Variants in TCAF2 observed in about 807,000 individuals in gnomAD.
TCAF2 encodes the protein TRPM8 channel associated factor 2.
A neutral mutation model predicts 33.9 loss-of-function variants in TCAF2; 6 were observed. That is an observed-to-expected ratio of 0.18 (90% CI 0.10 to 0.35). The LOEUF (loss-of-function observed/expected upper bound fraction) is 0.35, where lower values mean the gene tolerates loss of function less well. TCAF2 is among the 10% of genes least tolerant of loss of function. The pLI is 1.00. For missense variants in TCAF2, 109 were observed against 604.0 expected (o/e 0.18, Z 8.59); for synonymous variants, 41 against 247.8 (o/e 0.17, Z 7.84).
At chr7:143,701,769 TTA>T (rs1464764534) in intron 1 of TCAF2, among the ~76,000 whole-genome samples, 2 of 97,158 alleles carry the variant, frequency 2.1e-5, no homozygotes, top group African/African-American at 3.6e-5. Flanking sequence ...TTACTTTATT[TTA>T]TTTTATTTTA....
rs1017779464 is a variant in TCAF2, at chr7:143,729,702, T to A, written c.*2035T>A. 1.3e-5 allele frequency: 2 copies of A among 152,092 alleles called. No individual in the cohort carries two copies. Among genetic ancestry groups the A allele is most frequent in the African/African-American group, 4.8e-5 (2 of 41,414 alleles). 9.4% of individuals were successfully genotyped at this position (152,092 alleles called of 1,614,324 possible). ...GTGGTTTGCTGCACCTATCAATCCA[T>A]CATCTAGATTTTAAGCTCTGCATGC... On this transcript the variant is annotated 3_prime_UTR_variant, in exon 8 of 8. Coordinates refer to ENST00000684770, the MANE Select transcript of TCAF2 (RefSeq NM_001363538.2).
In TCAF2 at chr7:143,724,470, G is replaced by T; in HGVS notation, c.2278G>T (p.Gly760Cys). The T allele has an allele frequency of 6.2e-7, 1 of 1,610,946 alleles. No individual in the cohort carries two copies. Among genetic ancestry groups the T allele is most frequent in the East Asian group, 2.2e-5 (1 of 44,860 alleles). Residue 760 changes from glycine to cysteine, a missense_variant, in exon 7 of 8, where the codon GGC (glycine) becomes TGC (cysteine). By Grantham distance (159) the Gly-to-Cys change is radical. Coordinates refer to ENST00000684770, the MANE Select transcript of TCAF2 (RefSeq NM_001363538.2). ...TGTGTGGGGCCCCATCCATGAGCTG[G>T]GCCACAACCAACAGCGGCATGGATG... is the stretch of plus-strand genomic sequence containing the variant. The part of the protein sequence containing the change: ...RGVWGPIHEL[G>C]HNQQRHGWEF...
At chr7:143,648,504 C>T (rs2116488539) in intron 1 of TCAF2, among the ~76,000 whole-genome samples, 1 of 139,088 alleles carries the variant, frequency 7.2e-6, no homozygotes, top group Non-Finnish European at 1.6e-5. Flanking sequence ...TAACTTTCTG[C>T]AAAGGAAGGC....
intron 1 of TCAF2, among the ~76,000 whole-genome samples, chr7:143,648,550 G>T (rs1348071993): frequency 1.6e-5 from 2 of 125,806 alleles, no homozygotes; most frequent in Non-Finnish European, 3.5e-5. Context: ...CCGTAGGGTA[G>T]TTCTGATCTA....
chr7:143,724,454 C>T lies in TCAF2; in HGVS notation c.2262C>T (p.Gly754=). Residue 754 remains glycine (G), a synonymous_variant, in exon 7 of 8, where the codon GGC becomes GGT. Transcript: ENST00000684770. ...EMDMRSRGVW[G]PIHELGHNQQ... Reference sequence around the variant, plus strand: ...ACATGAGGAGCAGGGGTGTGTGGGGCCCCATCCATGAGCTGGGCCACAACC... The same window carrying T: ...ACATGAGGAGCAGGGGTGTGTGGGGTCCCATCCATGAGCTGGGCCACAACC... 6.2e-7 allele frequency: 1 copy of T among 1,610,236 alleles called. No individual in the cohort carries two copies. The highest frequency in any genetic ancestry group is 1.1e-5 in the South Asian group (1 of 90,864).
chr7:143,729,754 C>T lies in TCAF2; in HGVS notation c.*2087C>T, dbSNP rs1809772457. ...TTAGATATTTGTCCTAATGCTCTCC[C>T]TCCCATTGCCCCCAACCTCCCGACA... On this transcript the variant is annotated 3_prime_UTR_variant, in exon 8 of 8. Transcript: ENST00000684770. 1 of 152,134 alleles carries T rather than the reference C, an allele frequency of 6.6e-6. No individual in the cohort carries two copies. The highest frequency in any genetic ancestry group is 1.5e-5 in the Non-Finnish European group (1 of 68,034). 9.4% of individuals were successfully genotyped at this position (152,134 alleles called of 1,614,324 possible).
rs575070378 is a variant in TCAF2, at chr7:143,729,219, G to A, written c.*1552G>A. 2 of 152,244 alleles carry A rather than the reference G, an allele frequency of 1.3e-5. No homozygotes were observed. The highest frequency in any genetic ancestry group is 2.1e-4 in the South Asian group (1 of 4,816). 9.4% of individuals were successfully genotyped at this position (152,244 alleles called of 1,614,324 possible). On this transcript the variant is annotated 3_prime_UTR_variant, in exon 8 of 8. Coordinates refer to ENST00000684770, the MANE Select transcript of TCAF2 (RefSeq NM_001363538.2). ...AGACCTCTGAGGTAGGTACTAGTAT[G>A]ATCCCCATTTCGTACATGAGGAAAC...
At chr7:143,648,460 A>T (rs180750935) in intron 1 of TCAF2, among the ~76,000 whole-genome samples, 1 of 141,684 alleles carries the variant, frequency 7.1e-6, no homozygotes, top group East Asian at 2.1e-4. Flanking sequence ...TATTATGCCC[A>T]GAGAAAGTAG....
intron 2 of TCAF2, among the ~76,000 whole-genome samples, chr7:143,719,425 A>AAAAGAAAGAAAG (rs368096378): frequency 2.6e-4 from 14 of 53,698 alleles, no homozygotes; most frequent in African/African-American, 3.1e-4. Flanking sequence ...AGAAAGAAAG[A>AAAAGAAAGAAAG]AAAGAAAGAA....
In TCAF2 at chr7:143,729,217, A is replaced by G. The variant is rs1035638391; in HGVS notation, c.*1550A>G. 2.0e-5 allele frequency: 3 copies of G among 152,176 alleles called. No individual in the cohort carries two copies. Among genetic ancestry groups the G allele is most frequent in the African/African-American group, 7.2e-5 (3 of 41,446 alleles). 9.4% of individuals were successfully genotyped at this position (152,176 alleles called of 1,614,324 possible). A position where few individuals can be genotyped will look rare whatever the true frequency, so the allele number is the denominator to read the frequency against. ...GCAGACCTCTGAGGTAGGTACTAGT[A>G]TGATCCCCATTTCGTACATGAGGAA... On this transcript the variant is annotated 3_prime_UTR_variant, in exon 8 of 8. Coordinates refer to ENST00000684770, the MANE Select transcript of TCAF2 (RefSeq NM_001363538.2).
At position 143,729,407 on chromosome 7, in the gene TCAF2, A is replaced by G. The variant is rs1384948035; in HGVS notation, c.*1740A>G. ...TGTCACCTAGAAAATAGATGAAAAT[A>G]TGTTCAACCAGGTCTGGATTTTTCC... On this transcript the variant is annotated 3_prime_UTR_variant, in exon 8 of 8. Coordinates refer to ENST00000684770, the MANE Select transcript of TCAF2 (RefSeq NM_001363538.2). 1 of 152,194 alleles carries G rather than the reference A, an allele frequency of 6.6e-6. No individual in the cohort carries two copies. Among genetic ancestry groups the G allele is most frequent in the East Asian group, 1.9e-4 (1 of 5,202 alleles). 9.4% of individuals were successfully genotyped at this position (152,194 alleles called of 1,614,324 possible). A position where few individuals can be genotyped will look rare whatever the true frequency, so the allele number is the denominator to read the frequency against.
In TCAF2 at chr7:143,701,853, C is replaced by T. The variant is rs1359939929; in HGVS notation, c.-11-1131C>T. ...TTTTTGAGGCAGAGTCTTGTTCTCT[C>T]GCACAGGCTAGAGTCCACTGGTGCG... On this transcript the variant is annotated intron_variant, in intron 1 of 7. Coordinates refer to ENST00000684770, the MANE Select transcript of TCAF2 (RefSeq NM_001363538.2). 5.3e-3 allele frequency among the ~76,000 whole-genome samples: 485 copies of T among 91,964 alleles called. 2 individuals carry two copies. Among genetic ancestry groups the T allele is most frequent in the African/African-American group, 0.023 (456 of 19,916 alleles). The allele number at this position is 91,964 out of a possible 152,430, so 60.3% of individuals were successfully genotyped here.
Position 143,724,500 on chromosome 7 carries a change from T to G in TCAF2, c.2308T>G (p.Phe770Val), listed in dbSNP as rs761281493. ...CAACCAACAGCGGCATGGATGGGAG[T>G]TCCCCCCACACACTACTGAGGCCAC... ...GHNQQRHGWEFPPHTTEATCN... is the reference protein window; with the variant it reads ...GHNQQRHGWEVPPHTTEATCN... The change falls in exon 7 of 8, where the codon TTC becomes GTC. Residue 770 changes from phenylalanine to valine, a missense_variant. Physicochemically the swap from Phe to Val is conservative, Grantham distance 50 (BLOSUM62 -1). Transcript: ENST00000684770. 1.2e-6 allele frequency: 2 copies of G among 1,609,958 alleles called. No homozygotes were observed. Among genetic ancestry groups the G allele is most frequent in the Non-Finnish European group, 1.7e-6 (2 of 1,179,214 alleles).
chr7:143,624,737 T>C lies in TCAF2; in HGVS notation c.-12+3717T>C, dbSNP rs1808811601. ...GCACCGATTGTTGATCATGCTGCATTCTGGACAATGGGGGTCTAGCAGAGA... is the reference window on the plus strand; with the variant it reads ...GCACCGATTGTTGATCATGCTGCATCCTGGACAATGGGGGTCTAGCAGAGA... On this transcript the variant is annotated intron_variant, in intron 1 of 7. Coordinates refer to ENST00000684770, the MANE Select transcript of TCAF2 (RefSeq NM_001363538.2). 6.0e-5 allele frequency among the ~76,000 whole-genome samples: 3 copies of C among 50,362 alleles called. 1 individual carries two copies. The highest frequency in any genetic ancestry group is 1.4e-4 in the Non-Finnish European group (3 of 20,964). 33.0% of individuals were successfully genotyped at this position (50,362 alleles called of 152,430 possible).
At position 143,647,816 on chromosome 7, in the gene TCAF2, C is replaced by A. The variant is rs542254413; in HGVS notation, c.-12+26796C>A. 1.6e-4 allele frequency among the ~76,000 whole-genome samples: 21 copies of A among 132,030 alleles called. No individual in the cohort carries two copies. The East Asian group carries it at 5.3e-3, about 33-fold the overall frequency. 86.6% of individuals were successfully genotyped at this position (132,030 alleles called of 152,430 possible). A position where few individuals can be genotyped will look rare whatever the true frequency, so the allele number is the denominator to read the frequency against. On this transcript the variant is annotated intron_variant, in intron 1 of 7. Coordinates refer to ENST00000684770, the MANE Select transcript of TCAF2 (RefSeq NM_001363538.2). ...GCATGCTAATATCATTTATTTTTATCATATTTAAGGCATATTTTTTCACTG... is the reference window on the plus strand; with the variant it reads ...GCATGCTAATATCATTTATTTTTATAATATTTAAGGCATATTTTTTCACTG...
At position 143,727,580 on chromosome 7, in the gene TCAF2, TATC is replaced by T; in HGVS notation, c.2674_2676del (p.Ile892del). The T allele has an allele frequency of 8.1e-7, 1 of 1,230,586 alleles. No homozygotes were observed. Among genetic ancestry groups the T allele is most frequent in the Non-Finnish European group, 1.1e-6 (1 of 897,704 alleles). 76.2% of individuals were successfully genotyped at this position (1,230,586 alleles called of 1,614,324 possible). A position where few individuals can be genotyped will look rare whatever the true frequency, so the allele number is the denominator to read the frequency against. ...CCTTCTTTGAGGCCTGGGGCTGGCC[TATC>T]CAGAAGGAGGTGGCTGACAGCCTGG... On this transcript the variant is annotated inframe_deletion, in exon 8 of 8. Coordinates refer to ENST00000684770, the MANE Select transcript of TCAF2 (RefSeq NM_001363538.2).
In TCAF2 at chr7:143,720,929, G is replaced by A. The variant is rs1434927215; in HGVS notation, c.1615+255G>A. On this transcript the variant is annotated intron_variant, in intron 3 of 7. Transcript: ENST00000684770. The stretch of plus-strand genomic sequence containing the variant: ...TGTGTTGCTGGGACTACAGGCACAC[G>A]CCACCATGCCTGGCTAATTTTTGTA... 19 of 355,606 alleles carry A rather than the reference G, an allele frequency of 5.3e-5. 5 individuals are homozygous for A. The highest frequency in any genetic ancestry group is 4.7e-4 in the East Asian group (9 of 19,288). 22.0% of individuals were successfully genotyped at this position (355,606 alleles called of 1,614,324 possible).
chr7:143,647,910 T>TTTTC (rs1182111937), intron 1 of TCAF2, among the ~76,000 whole-genome samples: 15 of 144,418 alleles, frequency 1.0e-4, no homozygotes, highest in Admixed American at 1.0e-3. Flanking sequence ...TCTTTCTTTC[T>TTTTC]TTTCTTTCTT....
rs75909419 is a variant in TCAF2 at position 143,730,291 on chromosome 7, A to T, written c.*2624A>T. On this transcript the variant is annotated 3_prime_UTR_variant, in exon 8 of 8. Coordinates refer to ENST00000684770, the MANE Select transcript of TCAF2 (RefSeq NM_001363538.2). ...TCTGTTGTTTCCTGACTTTTTAATGATCGCCATTCTAACTGGCATGAGATG... is the reference window on the plus strand; with the variant it reads ...TCTGTTGTTTCCTGACTTTTTAATGTTCGCCATTCTAACTGGCATGAGATG... 0.12 allele frequency: 17,634 copies of T among 152,024 alleles called. 1,213 individuals are homozygous for T. Among genetic ancestry groups the T allele is most frequent in the East Asian group, 0.25 (1,292 of 5,134 alleles). The allele number at this position is 152,024 out of a possible 1,614,324, so 9.4% of individuals were successfully genotyped here.
Sources: allele counts gnomAD v4.1 joint callset (sites outside exome capture counted in the v4.1 genomes callset), GRCh38; gene constraint gnomAD v4.1.1; transcripts MANE v1.5; gene names NCBI Gene and HGNC (gene_info 2026-07-23, HGNC 2026-07-21).